The following RNF38 variants were observed in gnomAD, a reference collection of about 807,000 sequenced individuals.
RNF38 encodes the protein ring finger protein 38.
A neutral mutation model predicts 67.2 loss-of-function variants in RNF38; 15 were observed. The ratio of observed to expected loss-of-function variants is 0.22; its 90% CI spans 0.15 to 0.34. RNF38 has a LOEUF of 0.34. Ranked by LOEUF, RNF38 falls within the 10% of genes least tolerant of loss-of-function variation. RNF38 has a pLI of 1.00. For missense variants in RNF38, 524 were observed against 639.9 expected (o/e 0.82, Z 1.95); for synonymous variants, 220 against 218.8 (o/e 1.01, Z -0.05).
upstream of RNF38, chr9:36,401,110 G>T: frequency 1.0e-6 from 1 of 985,054 alleles, no homozygotes; most frequent in African/African-American, 1.7e-5. Context: ...AGCGAGCCCA[G>T]CGCGCCAGAC....
chr9:36,387,742 T>G (rs988060134), intron 2 of RNF38, among the ~76,000 whole-genome samples: 16 of 152,178 alleles, frequency 1.1e-4, no homozygotes, highest in Non-Finnish European at 2.1e-4. Flanking sequence ...GAGCCTACAC[T>G]TACACCTCTT....
intron 1 of RNF38, among the ~76,000 whole-genome samples, chr9:36,395,754 C>A (rs528375564): frequency 6.6e-6 from 1 of 152,288 alleles, no homozygotes; most frequent in Admixed American, 6.5e-5. Flanking sequence ...TGAATATGGT[C>A]ACCACAGCAC....
chr9:36,344,982 A>C (rs369135607), intron 9 of RNF38, 29 bp from the exon 10 acceptor site: 15 of 1,590,766 alleles, frequency 9.4e-6, no homozygotes, highest in East Asian at 6.7e-5. Context: ...ACATATTTTC[A>C]TCTATCTTTA....
At chr9:36,446,151 T>C (rs747504120) in intron 1 of RNF38, among the ~76,000 whole-genome samples, 7 of 152,194 alleles carry the variant, frequency 4.6e-5, no homozygotes, top group Non-Finnish European at 8.8e-5. Context: ...AGTTTCCCAG[T>C]GACTTAGCCC....
chr9:36,453,185 C>T (rs1839501109), intron 1 of RNF38, among the ~76,000 whole-genome samples: 4 of 152,068 alleles, frequency 2.6e-5, no homozygotes, highest in Admixed American at 2.6e-4. Flanking sequence ...ATTATTATAG[C>T]CATCTTAACA....
At chr9:36,487,564 G>A (rs1434932135), upstream of RNF38, 117 of 976,822 alleles carry the variant, frequency 1.2e-4, no homozygotes, top group Non-Finnish European at 1.4e-4. Context: ...CGCTCATGGC[G>A]GGGCCGCGAG....
At chr9:36,398,661 G>C (rs1033826320) in intron 1 of RNF38, among the ~76,000 whole-genome samples, 2 of 152,222 alleles carry the variant, frequency 1.3e-5, no homozygotes, top group Non-Finnish European at 1.5e-5. Flanking sequence ...AAGGCTGTGA[G>C]TTAAGTAGAG....
chr9:36,410,116 C>A (rs1206088407), intron 2 of RNF38, among the ~76,000 whole-genome samples: 1 of 152,072 alleles, frequency 6.6e-6, no homozygotes, highest in Non-Finnish European at 1.5e-5. Flanking sequence ...AGATATTTTA[C>A]AACAAAGCAA....
At chr9:36,437,137 T>TG (rs1330193848) in intron 1 of RNF38, among the ~76,000 whole-genome samples, 1 of 152,224 alleles carries the variant, frequency 6.6e-6, no homozygotes, top group Non-Finnish European at 1.5e-5. Flanking sequence ...CCTTCACGCT[T>TG]GCTCCTGGCA....
At chr9:36,485,186 AT>A (rs1840375424) in intron 1 of RNF38, among the ~76,000 whole-genome samples, 1 of 151,810 alleles carries the variant, frequency 6.6e-6, no homozygotes, top group Non-Finnish European at 1.5e-5. Flanking sequence ...GAACAAACAA[AT>A]AAATAATAAA....
At chr9:36,380,542 G>A (rs1407553394) in intron 2 of RNF38, among the ~76,000 whole-genome samples, 1 of 151,708 alleles carries the variant, frequency 6.6e-6, no homozygotes, top group Non-Finnish European at 1.5e-5. Context: ...ATTGAGGCTG[G>A]AGTGCAGTGG....
At chr9:36,388,041 A>T (rs1189263558) in intron 2 of RNF38, among the ~76,000 whole-genome samples, 1 of 152,204 alleles carries the variant, frequency 6.6e-6, no homozygotes, top group African/African-American at 2.4e-5. Flanking sequence ...AAAAGTATAC[A>T]AAGTGTGACA....
At chr9:36,409,250 G>A (rs1168828272) in intron 2 of RNF38, among the ~76,000 whole-genome samples, 1 of 132,326 alleles carries the variant, frequency 7.6e-6, no homozygotes, top group Non-Finnish European at 1.6e-5. Context: ...AGGAAAGAAG[G>A]AAGGAAGGAA....
upstream of RNF38, chr9:36,401,295 C>G: frequency 6.0e-6 from 5 of 838,432 alleles, no homozygotes; most frequent in African/African-American, 1.9e-5. Context: ...ACTGCGCAGC[C>G]CCGCCCCAGC....
At chr9:36,364,500 C>T (rs147961734) in intron 4 of RNF38, among the ~76,000 whole-genome samples, 13 of 152,204 alleles carry the variant, frequency 8.5e-5, no homozygotes, top group Middle Eastern at 6.8e-3. Flanking sequence ...TATAAACTTA[C>T]GAGACCACTG....
intron 2 of RNF38, among the ~76,000 whole-genome samples, chr9:36,416,923 T>C (rs1838489797): frequency 6.6e-6 from 1 of 151,970 alleles, no homozygotes; most frequent in African/African-American, 2.4e-5. Context: ...AGCTAATTTC[T>C]GTATTTTTAG....
intron 1 of RNF38, among the ~76,000 whole-genome samples, chr9:36,398,341 G>C (rs1271008790): frequency 6.6e-6 from 1 of 152,136 alleles, no homozygotes; most frequent in Non-Finnish European, 1.5e-5. Context: ...GGCCAAGAAA[G>C]GAGGATCACC....
chr9:36,457,389 A>G (rs1839618577), intron 1 of RNF38, among the ~76,000 whole-genome samples: 1 of 152,154 alleles, frequency 6.6e-6, no homozygotes, highest in East Asian at 1.9e-4. Context: ...ATTAATTGTA[A>G]CTCTTTTCCA....
chr9:36,379,182 G>A (rs1048645746), intron 2 of RNF38, among the ~76,000 whole-genome samples: 4 of 152,186 alleles, frequency 2.6e-5, no homozygotes, highest in Non-Finnish European at 5.9e-5. Flanking sequence ...TTACAGGCGT[G>A]AGCCACTGCG....
Sources: allele counts gnomAD v4.1 joint callset (sites outside exome capture counted in the v4.1 genomes callset), GRCh38; gene constraint gnomAD v4.1.1; transcripts MANE v1.5; gene names NCBI Gene and HGNC (gene_info 2026-07-23, HGNC 2026-07-21).